The following MYO7B variants were observed in gnomAD, a reference collection of about 807,000 sequenced individuals.
MYO7B encodes unconventional myosin-VIIb.
A neutral mutation model predicts 259.7 loss-of-function variants in MYO7B; 212 were observed. That is an observed-to-expected ratio of 0.82 (90% CI 0.73 to 0.91). MYO7B has a LOEUF of 0.91. Among genes scored for constraint, MYO7B ranks in the 40% least tolerant of loss-of-function variants. The probability of loss-of-function intolerance (pLI) is 0.00; values close to 1 mark genes in which losing one functional copy is unlikely to be tolerated. For missense variants in MYO7B, 2,732 were observed against 2,813.5 expected, an observed-to-expected ratio of 0.97 and a Z score of 0.66; for synonymous variants, 1,197 against 1,166.4, an observed-to-expected ratio of 1.03 and a Z score of -0.54.
At chr2:127,540,802 GT>G (rs980176833) in intron 1 of MYO7B, among the ~76,000 whole-genome samples, 8 of 152,196 alleles carry the variant, frequency 5.3e-5, no homozygotes, top group Admixed American at 5.2e-4. Context: ...ATGAGGGAGG[GT>G]TTTTGAAAAG....
Position 127,629,796 on chromosome 2 carries a change from C to A in MYO7B, c.4776C>A (p.Pro1592=), listed in dbSNP as rs765335209. ...LVPMACLYTI[P]TVTKPSAQLL... is the part of the protein sequence containing the mutation. The stretch of plus-strand genomic sequence containing the variant: ...CCATGGCCTGCCTCTACACCATCCC[C>A]ACGGTCACTAAGCCCTCGGCACAGC... Residue 1592 remains proline, a synonymous_variant, in exon 35 of 48, where the codon CCC becomes CCA. Transcript: ENST00000409816. 6 of 1,586,714 alleles carry A rather than the reference C, an allele frequency of 3.8e-6. No homozygotes were observed. In the East Asian group the frequency reaches 1.4e-4, roughly 36 times the overall value.
chr2:127,537,281 A>G (rs797008293), intron 1 of MYO7B, among the ~76,000 whole-genome samples: 3 of 152,084 alleles, frequency 2.0e-5, no homozygotes. Context: ...GGCTCCAGCT[A>G]TTGTCTCTCT....
rs1489452770 is a variant in MYO7B at position 127,631,684 on chromosome 2, T to C, written c.5180T>C (p.Leu1727Pro). The C allele has an allele frequency of 1.2e-6, 2 of 1,612,914 alleles. No individual in the cohort carries two copies. Among genetic ancestry groups the C allele is most frequent in the Admixed American group, 1.7e-5 (1 of 59,992 alleles). Residue 1727 changes from leucine to proline, a missense_variant, in exon 38 of 48, where the codon CTG (leucine) becomes CCG (proline). Leu to Pro is a moderately conservative substitution (Grantham distance 98, BLOSUM62 -3). Transcript: ENST00000409816. Reference protein sequence around the residue: ...ELTDQIFTLALQHPALQDEVY... With the variant: ...ELTDQIFTLAPQHPALQDEVY... ...ACCGACCAGATCTTCACACTGGCCC[T>C]GCAGCACCCGGCCCTCCAGGACGAG...
intron 1 of MYO7B, among the ~76,000 whole-genome samples, chr2:127,555,287 A>G (rs1348726602): frequency 2.0e-5 from 3 of 152,250 alleles, no homozygotes; most frequent in East Asian, 3.9e-4. Flanking sequence ...TTCTTGGTTA[A>G]TCTTGTTAAT....
At position 127,544,462 on chromosome 2, in the gene MYO7B, G is replaced by A. The variant is rs140229285; in HGVS notation, c.-24+8631G>A. 9.2e-3 allele frequency among the ~76,000 whole-genome samples: 1,401 copies of A among 152,186 alleles called. 27 individuals are homozygous for A. The highest frequency in any genetic ancestry group is 0.032 in the African/African-American group (1,330 of 41,502). ...CTCACTCTGTCACCCAGGCTGGAGTGCAATGGCACGATCTTGGCTTGCTGC... is the reference window on the plus strand; with the variant it reads ...CTCACTCTGTCACCCAGGCTGGAGTACAATGGCACGATCTTGGCTTGCTGC... On this transcript the variant is annotated intron_variant, in intron 1 of 47. Transcript: ENST00000409816.
chr2:127,603,709 T>C (rs1027102382), intron 19 of MYO7B, among the ~76,000 whole-genome samples: 7 of 152,236 alleles, frequency 4.6e-5, no homozygotes, highest in African/African-American at 1.7e-4. Flanking sequence ...ACCAGCTTCA[T>C]AAGCTGCTAA....
intron 12 of MYO7B, among the ~76,000 whole-genome samples, chr2:127,583,707 G>C (rs1219989728): frequency 6.6e-6 from 1 of 152,174 alleles, no homozygotes; most frequent in African/African-American, 2.4e-5. Flanking sequence ...ATGCAGAGGG[G>C]CCCAGCAGTC....
intron 28 of MYO7B, among the ~76,000 whole-genome samples, chr2:127,622,798 C>A (rs948463963): frequency 4.6e-5 from 7 of 152,208 alleles, no homozygotes; most frequent in African/African-American, 1.7e-4. Flanking sequence ...GGGAACAATA[C>A]GTAAAGGCCC....
At chr2:127,637,021 C>A in intron 47 of MYO7B, 108 bp downstream of exon 47, 1 of 1,523,948 alleles carries the variant, frequency 6.6e-7, no homozygotes. Context: ...GGCTCAGTCA[C>A]AGGGCCCAGG....
intron 1 of MYO7B, among the ~76,000 whole-genome samples, chr2:127,541,952 G>A (rs1041771897): frequency 6.6e-6 from 1 of 152,200 alleles, no homozygotes; most frequent in Non-Finnish European, 1.5e-5. Context: ...TCATGTTGTC[G>A]GATTTTTGGC....
Position 127,636,301 on chromosome 2 carries a change from G to A in MYO7B, c.6100G>A (p.Gly2034Arg), listed in dbSNP as rs749680164. ...GTGGATCTGCCGGTGGCCCACCTTC[G>A]GATCCGCCTTCTTCGAGGTGAAGGT... ...LKWICRWPTFGSAFFEVKQTS... is the reference protein window; with the variant it reads ...LKWICRWPTFRSAFFEVKQTS... The change falls in exon 45 of 48, where the codon GGA becomes AGA. Residue 2034 changes from glycine to arginine, a missense_variant. By Grantham distance (125) the Gly-to-Arg change is moderately radical. This residue lies in a region of MYO7B where 821 missense variants were observed against 769.3 expected (regional missense o/e 1.07). Coordinates refer to ENST00000409816, the MANE Select transcript of MYO7B (RefSeq NM_001393586.1). This position sits in a 1 kb window ranked among gnomAD's most constrained non-coding sequence, Gnocchi z 4.5. 33 of 1,613,266 alleles carry A rather than the reference G, an allele frequency of 2.0e-5. No homozygotes were observed. The highest frequency in any genetic ancestry group is 4.5e-5 in the East Asian group (2 of 44,884).
intron 21 of MYO7B, 94 bp from the exon 22 acceptor site, chr2:127,608,614 G>C: frequency 2.9e-6 from 4 of 1,365,920 alleles, no homozygotes; most frequent in Non-Finnish European, 3.9e-6. Flanking sequence ...GGCTTACTTG[G>C]CTTCTGGGAG....
chr2:127,584,631 C>A lies in MYO7B; in HGVS notation c.1555-147C>A. 1.0e-6 allele frequency: 1 copy of A among 987,262 alleles called. No individual in the cohort carries two copies. 61.2% of individuals were successfully genotyped at this position (987,262 alleles called of 1,614,324 possible). A position where few individuals can be genotyped will look rare whatever the true frequency, so the allele number is the denominator to read the frequency against. ...CTCACTCCCTGCAACAAGTCACTGA[C>A]CCCTGGGCATTAGTTTCCTGTCTGT... On this transcript the variant is annotated intron_variant, in intron 13 of 47. Transcript: ENST00000409816. This position sits in a 1 kb window ranked among gnomAD's most constrained non-coding sequence, Gnocchi z 5.8.
Position 127,628,481 on chromosome 2 carries a change from G to A in MYO7B, c.4570G>A (p.Gly1524Ser). 1.3e-6 allele frequency: 2 copies of A among 1,559,100 alleles called. No homozygotes were observed. Among genetic ancestry groups the A allele is most frequent in the Non-Finnish European group, 1.7e-6 (2 of 1,153,018 alleles). ...IAELVALFLE[G>S]LKERSIFAMA... ...TGAGCTGGTGGCCCTGTTCCTGGAG[G>A]GCCTGAAGGAGAGGTCCATTTTCGC... Residue 1524 changes from glycine to serine, a missense_variant, in exon 34 of 48, where the codon GGC (glycine) becomes AGC (serine). This residue lies in a region of MYO7B where 1,906 missense variants were observed against 2,026.4 expected (regional missense o/e 0.94). Transcript: ENST00000409816. This position sits in a 1 kb window ranked among gnomAD's most constrained non-coding sequence, Gnocchi z 4.8.
intron 6 of MYO7B, among the ~76,000 whole-genome samples, chr2:127,570,536 T>A (rs1678555586): frequency 6.6e-6 from 1 of 152,242 alleles, no homozygotes; most frequent in Non-Finnish European, 1.5e-5. Flanking sequence ...CAGAAGCCCG[T>A]GGCCTCGGCC....
Position 127,546,102 on chromosome 2 carries a change from A to G in MYO7B, c.-24+10271A>G, listed in dbSNP as rs1693219132. 6.6e-6 allele frequency among the ~76,000 whole-genome samples: 1 copy of G among 152,186 alleles called. No homozygotes were observed. The highest frequency in any genetic ancestry group is 2.1e-4 in the South Asian group (1 of 4,830). ...AGCTGGTGGCATAGGAGAACTTCCA[A>G]GTCTTACTCATCCCTCACCCAGCCC... On this transcript the variant is annotated intron_variant, in intron 1 of 47. Coordinates refer to ENST00000409816, the MANE Select transcript of MYO7B (RefSeq NM_001393586.1). This position sits in a 1 kb window ranked among gnomAD's most constrained non-coding sequence, Gnocchi z 4.2.
chr2:127,632,182 A>G, intron 38 of MYO7B, 64 bp from the exon 39 acceptor site: 1 of 1,541,264 alleles, frequency 6.5e-7, no homozygotes, highest in Non-Finnish European at 8.7e-7. Context: ...CCTGCTCCCC[A>G]AGGTGCCTGC....
chr2:127,625,245 C>T, intron 30 of MYO7B, 123 bp from the exon 31 acceptor site: 3 of 1,202,272 alleles, frequency 2.5e-6, no homozygotes, highest in Non-Finnish European at 1.1e-6. Flanking sequence ...AAGGTCCTGC[C>T]CGAGCCACAG....
chr2:127,601,241 T>C (rs572398566), intron 19 of MYO7B, among the ~76,000 whole-genome samples: 25 of 152,374 alleles, frequency 1.6e-4, no homozygotes, highest in Admixed American at 1.1e-3. Flanking sequence ...GCCCAAAATA[T>C]GTCCTCTCTT....
Sources: gnomAD v4.1 joint callset for allele counts (sites outside exome capture counted in the v4.1 genomes callset) on GRCh38, gnomAD v4.1.1 for gene constraint, gnomAD v4.1.1 regional missense constraint, Gnocchi (gnomAD v3.1) non-coding constraint, MANE v1.5 for transcripts, NCBI Gene and HGNC (gene_info 2026-07-23, HGNC 2026-07-21) for gene names.